The following LRP1 variants were observed in gnomAD, a reference collection of about 807,000 sequenced individuals.
LRP1 encodes prolow-density lipoprotein receptor-related protein 1.
A neutral mutation model predicts 541.5 loss-of-function variants in LRP1; 51 were observed. That is an observed-to-expected ratio of 0.09 (90% CI 0.08 to 0.12). The LOEUF (loss-of-function observed/expected upper bound fraction) is 0.12, where lower values mean the gene tolerates loss of function less well. Among genes scored for constraint, LRP1 ranks in the 10% least tolerant of loss-of-function variants. LRP1 has a pLI of 1.00. For missense variants in LRP1, 3,878 were observed against 6,376.2 expected (o/e 0.61, Z 13.34); for synonymous variants, 2,219 against 2,470.8 (o/e 0.90, Z 3.02).
Position 57,183,757 on chromosome 12 carries a change from C to T in LRP1, c.5795-18C>T, listed in dbSNP as rs34183166. On this transcript the variant is annotated intron_variant, in intron 35 of 88. Transcript: ENST00000243077. The surrounding 1 kb of genome is among the most constrained non-coding windows in gnomAD (Gnocchi z 6.1). ...CCTGCCTTATTGGGCATCCCCATGT[C>T]ACCTCCTCCACCTCCAGAAAATGAC... 1.7e-3 allele frequency: 2,813 copies of T among 1,613,444 alleles called. 39 individuals carry two copies. The African/African-American group carries it at 0.033, about 19-fold the overall frequency.
At chr12:57,171,681 A>C (rs930721220) in intron 20 of LRP1, among the ~76,000 whole-genome samples, 1 of 152,226 alleles carries the variant, frequency 6.6e-6, no homozygotes, top group East Asian at 1.9e-4. Flanking sequence ...GGCCCCAAGA[A>C]AGGAAAATCA....
chr12:57,149,798 A>G, intron 6 of LRP1: 1 of 703,514 alleles, frequency 1.4e-6, no homozygotes, highest in Non-Finnish European at 2.6e-6. Context: ...GCATGAGGCC[A>G]CATCGTTTAG....
At chr12:57,168,266 C>T (rs2035878502) in intron 19 of LRP1, 1 of 153,150 alleles carries the variant, frequency 6.5e-6, no homozygotes, top group Non-Finnish European at 1.5e-5. Context: ...GCACCATCAC[C>T]CAGAGCTCAG....
chr12:57,149,571 G>A, intron 6 of LRP1: 1 of 695,230 alleles, frequency 1.4e-6, no homozygotes, highest in Non-Finnish European at 2.6e-6. Flanking sequence ...CCTAAGATGG[G>A]CTGAGTGGAA....
chr12:57,135,556 C>T (rs1681453266), intron 1 of LRP1, among the ~76,000 whole-genome samples: 1 of 152,232 alleles, frequency 6.6e-6, no homozygotes, highest in Admixed American at 6.5e-5. Flanking sequence ...AGCCTTCTCG[C>T]TCCAGATTCC....
rs200139006 is a variant in LRP1 at position 57,183,815 on chromosome 12, G to A, written c.5835G>A (p.Thr1945=). 71 of 1,614,040 alleles carry A rather than the reference G, an allele frequency of 4.4e-5. No homozygotes were observed. Among genetic ancestry groups the A allele is most frequent in the South Asian group, 1.4e-4 (13 of 91,092 alleles). The part of the protein sequence containing the change: ...TIYWVDMGLS[T]ISRAKRDQTW... ...ACTGGGTGGACATGGGCCTGAGCAC[G>A]ATCAGCCGGGCCAAGCGGGACCAGA... is the stretch of plus-strand genomic sequence containing the variant. Residue 1945 remains threonine, a synonymous_variant, in exon 36 of 89, where the codon ACG becomes ACA. Transcript: ENST00000243077. The surrounding 1 kb of genome is among the most constrained non-coding windows in gnomAD (Gnocchi z 6.1).
Position 57,162,661 on chromosome 12 carries a change from C to G in LRP1, c.2404+143C>G. ...TGAGGATCCTGAGAAGAGAACTCCC[C>G]CAACACAATCTGATTCTCTGTTCCC... is the stretch of plus-strand genomic sequence containing the variant. On this transcript the variant is annotated intron_variant, in intron 14 of 88. Coordinates refer to ENST00000243077, the MANE Select transcript of LRP1 (RefSeq NM_002332.3). The surrounding 1 kb of genome is among the most constrained non-coding windows in gnomAD (Gnocchi z 5.2). 1.8e-6 allele frequency: 2 copies of G among 1,103,466 alleles called. No homozygotes were observed. The highest frequency in any genetic ancestry group is 2.1e-4 in the Middle Eastern group (1 of 4,666). The allele number at this position is 1,103,466 out of a possible 1,614,324, so 68.4% of individuals were successfully genotyped here.
intron 34 of LRP1, among the ~76,000 whole-genome samples, chr12:57,182,543 T>TGCG (rs1343711442): frequency 2.3e-5 from 3 of 128,966 alleles, no homozygotes; most frequent in Non-Finnish European, 4.8e-5. Context: ...AAGAGCCAGG[T>TGCG]GCGTGGCTCA....
At position 57,185,955 on chromosome 12, in the gene LRP1, G is replaced by A. The variant is rs1303538357; in HGVS notation, c.6841+47G>A. 1 of 1,574,200 alleles carries A rather than the reference G, an allele frequency of 6.4e-7. No individual in the cohort carries two copies. Among genetic ancestry groups the A allele is most frequent in the East Asian group, 2.2e-5 (1 of 44,496 alleles). ...TCCCAGGAAGTGGGACATGGGGCGG[G>A]GAGCAGCACAGACTCTTAGACCCCA... On this transcript the variant is annotated intron_variant, in intron 41 of 88. Transcript: ENST00000243077. This position sits in a 1 kb window ranked among gnomAD's most constrained non-coding sequence, Gnocchi z 4.9.
rs775048472 is a variant in LRP1 at position 57,180,396 on chromosome 12, G to A, written c.5303G>A (p.Arg1768His). 30 of 1,614,018 alleles carry A rather than the reference G, an allele frequency of 1.9e-5. No individual in the cohort carries two copies. Among genetic ancestry groups the A allele is most frequent in the Non-Finnish European group, 2.5e-5 (29 of 1,180,042 alleles). ...WISSGNHTIN[R>H]CNLDGSGLEV... Reference sequence around the variant, plus strand: ...AGCTCCGGGAACCATACCATCAACCGCTGCAACCTGGATGGGAGTGGGCTG... The same window carrying A: ...AGCTCCGGGAACCATACCATCAACCACTGCAACCTGGATGGGAGTGGGCTG... Residue 1768 changes from arginine (R) to histidine (H), a missense_variant, in exon 32 of 89, where the codon CGC becomes CAC. Arg to His is a conservative substitution (Grantham distance 29, BLOSUM62 0). Coordinates refer to ENST00000243077, the MANE Select transcript of LRP1 (RefSeq NM_002332.3).
intron 13 of LRP1, 107 bp downstream of exon 13, chr12:57,161,222 C>G: frequency 2.0e-6 from 2 of 1,018,524 alleles, no homozygotes; most frequent in Non-Finnish European, 2.9e-6. Context: ...TGTGTCCAGG[C>G]CTGTGTGCCT....
rs764479936 is a variant in LRP1, at chr12:57,205,199, A to G, written c.11285A>G (p.Asn3762Ser). The change falls in exon 73 of 89, where the codon AAC becomes AGC. Residue 3762 changes from asparagine (N) to serine (S), a missense_variant. By Grantham distance (46) the Asn-to-Ser change is conservative (BLOSUM62 1). This residue lies in a region of LRP1 where 871 missense variants were observed against 1,212.4 expected (regional missense o/e 0.72). Transcript: ENST00000243077. The surrounding 1 kb of genome is among the most constrained non-coding windows in gnomAD (Gnocchi z 4.6). Reference protein sequence around the residue: ...QRCLSSSLRCNMFDDCGDGSD... With the variant: ...QRCLSSSLRCSMFDDCGDGSD... ...TGCCTCTCCTCCTCCCTGCGCTGCAACATGTTCGATGACTGCGGGGACGGC... is the reference window on the plus strand; with the variant it reads ...TGCCTCTCCTCCTCCCTGCGCTGCAGCATGTTCGATGACTGCGGGGACGGC... 3 of 1,613,910 alleles carry G rather than the reference A, an allele frequency of 1.9e-6. No homozygotes were observed. Among genetic ancestry groups the G allele is most frequent in the Non-Finnish European group, 2.5e-6 (3 of 1,179,990 alleles).
In LRP1 at chr12:57,192,984, G is replaced by C. The variant is rs200883502; in HGVS notation, c.7555+14G>C. ...TCACCTGCCGAGGTGAGAGAGGCGG[G>C]GGGGAGGGGCTGGCGGGGAACCCAA... On this transcript the variant is annotated intron_variant, in intron 45 of 88. Coordinates refer to ENST00000243077, the MANE Select transcript of LRP1 (RefSeq NM_002332.3). 7.6e-5 allele frequency: 123 copies of C among 1,611,402 alleles called. No individual in the cohort carries two copies. The highest frequency in any genetic ancestry group is 3.3e-4 in the Middle Eastern group (2 of 6,082).
Position 57,128,994 on chromosome 12 carries a change from G to A in LRP1, c.30G>A (p.Leu10=), listed in dbSNP as rs543422418. The A allele has an allele frequency of 5.2e-6, 8 of 1,551,404 alleles. No homozygotes were observed. The highest frequency in any genetic ancestry group is 7.0e-6 in the Non-Finnish European group (8 of 1,146,776). The part of the protein sequence containing the change: MLTPPLLLL[L]PLLSALVAAA... ...TGACCCCGCCGTTGCTCCTGCTGCTGCCCCTGCTCTCAGCTCTGGTCGCGG... is the reference window on the plus strand; with the variant it reads ...TGACCCCGCCGTTGCTCCTGCTGCTACCCCTGCTCTCAGCTCTGGTCGCGG... Residue 10 remains leucine (L), a synonymous_variant, in exon 1 of 89, where the codon CTG becomes CTA. Coordinates refer to ENST00000243077, the MANE Select transcript of LRP1 (RefSeq NM_002332.3).
chr12:57,132,692 A>T (rs755027250), intron 1 of LRP1, among the ~76,000 whole-genome samples: 21 of 151,838 alleles, frequency 1.4e-4, no homozygotes, highest in Non-Finnish European at 2.4e-4. Context: ...TCACCCTCTC[A>T]GTTCATCTCT....
rs2035575691 is a variant in LRP1 at position 57,154,115 on chromosome 12, G to A, written c.842-93G>A. On this transcript the variant is annotated intron_variant, in intron 6 of 88. Transcript: ENST00000243077. This position sits in a 1 kb window ranked among gnomAD's most constrained non-coding sequence, Gnocchi z 4.6. Reference sequence around the variant, plus strand: ...GGGTGGGAGGGCGTCCAGAGAAGGTGGGCTTCCAGGTGTGGGTTCTCACCA... The same window carrying A: ...GGGTGGGAGGGCGTCCAGAGAAGGTAGGCTTCCAGGTGTGGGTTCTCACCA... The A allele has an allele frequency of 3.3e-6, 4 of 1,211,292 alleles. No homozygotes were observed. Among genetic ancestry groups the A allele is most frequent in the Non-Finnish European group, 4.8e-6 (4 of 837,386 alleles). The allele number at this position is 1,211,292 out of a possible 1,614,324, so 75.0% of individuals were successfully genotyped here. A position where few individuals can be genotyped will look rare whatever the true frequency, so the allele number is the denominator to read the frequency against.
chr12:57,177,634 C>A lies in LRP1; in HGVS notation c.4361+43C>A. Reference sequence around the variant, plus strand: ...CCTGAGAAGGCCCAAGTCTGTGGCACCAGGACGGGGTGGGGAGGAACCTGT... The same window carrying A: ...CCTGAGAAGGCCCAAGTCTGTGGCAACAGGACGGGGTGGGGAGGAACCTGT... On this transcript the variant is annotated intron_variant, in intron 26 of 88. Coordinates refer to ENST00000243077, the MANE Select transcript of LRP1 (RefSeq NM_002332.3). The surrounding 1 kb of genome is among the most constrained non-coding windows in gnomAD (Gnocchi z 6.8). 6.2e-7 allele frequency: 1 copy of A among 1,606,114 alleles called. No homozygotes were observed. Among genetic ancestry groups the A allele is most frequent in the Non-Finnish European group, 8.5e-7 (1 of 1,175,694 alleles).
chr12:57,167,015 T>C lies in LRP1; in HGVS notation c.2883T>C (p.Cys961=). The C allele has an allele frequency of 6.2e-7, 1 of 1,614,008 alleles. No homozygotes were observed. Among genetic ancestry groups the C allele is most frequent in the Non-Finnish European group, 8.5e-7 (1 of 1,179,992 alleles). ...GGACGTGTGATCTGGATGACGACTG[T>C]GGGGACCGCTCTGATGAGTCTGCTT... ...ISWTCDLDDD[C]GDRSDESASC... Residue 961 remains cysteine, a synonymous_variant, in exon 18 of 89, where the codon TGT becomes TGC. Transcript: ENST00000243077.
chr12:57,167,438 T>C lies in LRP1; in HGVS notation c.2915-6T>C, dbSNP rs1330693254. On this transcript the variant is annotated splice_polypyrimidine_tract_variant and splice_region_variant and intron_variant, in intron 18 of 88. Coordinates refer to ENST00000243077, the MANE Select transcript of LRP1 (RefSeq NM_002332.3). ...GCCCTACTCAGCTACTCTTTCTTCC[T>C]CACAGCCTATCCCACCTGCTTCCCC... is the stretch of plus-strand genomic sequence containing the variant. 1.2e-6 allele frequency: 2 copies of C among 1,611,808 alleles called. No homozygotes were observed. Among genetic ancestry groups the C allele is most frequent in the Non-Finnish European group, 1.7e-6 (2 of 1,177,888 alleles).
Sources: allele counts gnomAD v4.1 joint callset (sites outside exome capture counted in the v4.1 genomes callset), GRCh38; gene constraint gnomAD v4.1.1; regional missense constraint gnomAD v4.1.1; non-coding constraint Gnocchi (gnomAD v3.1); transcripts MANE v1.5; gene names NCBI Gene and HGNC (gene_info 2026-07-23, HGNC 2026-07-21).